Variants in SMG6 observed in about 807,000 individuals in gnomAD.
SMG6 encodes the protein telomerase-binding protein EST1A.
A neutral mutation model predicts 142.2 loss-of-function variants in SMG6; 66 were observed. The ratio of observed to expected loss-of-function variants is 0.46; its 90% CI spans 0.38 to 0.57. The LOEUF (loss-of-function observed/expected upper bound fraction) is 0.57. SMG6 is among the 20% of genes least tolerant of loss of function. The pLI is 0.00. For synonymous variants in SMG6, 779 were observed against 702.4 expected (o/e 1.11, Z -1.72); for missense variants, 1,793 against 1,832.0 (o/e 0.98, Z 0.39).
chr17:2,062,002 C>CT (rs141681719), intron 18 of SMG6: 20,465 of 153,318 alleles, frequency 0.13, 2,026 homozygotes, highest in East Asian at 0.58. Context: ...CCACACCCCA[C>CT]TTTTTTTTTT....
intron 8 of SMG6, among the ~76,000 whole-genome samples, chr17:2,268,803 T>G (rs1482919175): frequency 2.0e-5 from 3 of 150,218 alleles, no homozygotes; most frequent in Non-Finnish European, 4.4e-5. Context: ...TCCCAGCTAC[T>G]TGGGAGGCTG....
At chr17:2,258,354 G>C (rs573167874) in intron 8 of SMG6, among the ~76,000 whole-genome samples, 1 of 151,934 alleles carries the variant, frequency 6.6e-6, no homozygotes, top group South Asian at 2.1e-4. Flanking sequence ...TCAGGAGTTC[G>C]AGACCAACCT....
intron 10 of SMG6, among the ~76,000 whole-genome samples, chr17:2,197,059 T>C (rs2072352912): frequency 1.3e-5 from 2 of 151,704 alleles, no homozygotes; most frequent in Non-Finnish European, 2.9e-5. Flanking sequence ...TGGAAGAAAA[T>C]CTTCAGGACC....
At chr17:2,065,260 C>G (rs1247760611) in intron 17 of SMG6, 106 bp from the exon 18 acceptor site, 1 of 1,069,536 alleles carries the variant, frequency 9.3e-7, no homozygotes, top group African/African-American at 1.6e-5. Flanking sequence ...GCCACCTCCC[C>G]GATCCCTCCC....
intron 16 of SMG6, 27 bp from the exon 17 acceptor site, chr17:2,065,706 T>C (rs376005568): frequency 9.0e-5 from 143 of 1,581,602 alleles, no homozygotes; most frequent in Non-Finnish European, 1.2e-4. Context: ...CCACAAGGTA[T>C]CAGCCTCAGC....
chr17:2,178,897 C>T (rs183035679), intron 12 of SMG6, among the ~76,000 whole-genome samples: 3 of 152,332 alleles, frequency 2.0e-5, no homozygotes, highest in East Asian at 3.9e-4. Flanking sequence ...CACTCCAACA[C>T]GTCTTCTTAG....
chr17:2,222,190 G>A (rs769712348), intron 10 of SMG6, among the ~76,000 whole-genome samples: 1 of 151,724 alleles, frequency 6.6e-6, no homozygotes, highest in Non-Finnish European at 1.5e-5. Context: ...GAATAGTAGA[G>A]GAAAATAAAT....
intron 8 of SMG6, among the ~76,000 whole-genome samples, chr17:2,258,320 C>T (rs931223640): frequency 2.6e-5 from 4 of 152,088 alleles, no homozygotes; most frequent in Admixed American, 6.5e-5. Flanking sequence ...CTTTGGGAGG[C>T]TGACGCAGGC....
chr17:2,203,842 G>A lies in SMG6; in HGVS notation c.2870-15327C>T, dbSNP rs1160426228. Among the ~76,000 whole-genome samples the A allele has an allele frequency of 2.6e-5, 4 of 152,172 alleles. No homozygotes were observed. In the East Asian group the frequency reaches 7.7e-4, roughly 29 times the overall value. On this transcript the variant is annotated intron_variant, in intron 10 of 18. Transcript: ENST00000263073. ...TGAGCCAGAAGTAAAAATTAGGGAGGGATAATGCCTGCAGACACCCTGATT... is the reference window on the plus strand; with the variant it reads ...TGAGCCAGAAGTAAAAATTAGGGAGAGATAATGCCTGCAGACACCCTGATT...
intron 4 of SMG6, among the ~76,000 whole-genome samples, chr17:2,295,381 TTC>T (rs2075123934): frequency 6.6e-6 from 1 of 152,124 alleles, no homozygotes; most frequent in South Asian, 2.1e-4. Flanking sequence ...ACAAAAAACC[TTC>T]TCTTAGAACC....
intron 13 of SMG6, among the ~76,000 whole-genome samples, chr17:2,162,809 T>C (rs957828577): frequency 2.0e-5 from 3 of 152,266 alleles, no homozygotes; most frequent in Non-Finnish European, 4.4e-5. Context: ...GAAAATCTTT[T>C]CTTTTCCGTA....
chr17:2,185,078 T>C (rs35775870), intron 12 of SMG6, among the ~76,000 whole-genome samples: 6,431 of 147,882 alleles, frequency 0.043, 215 homozygotes, highest in Non-Finnish European at 0.066. Context: ...TACAGAGATA[T>C]ATATACTCAA....
At chr17:2,242,619 T>C (rs1356468982) in intron 9 of SMG6, among the ~76,000 whole-genome samples, 1 of 138,684 alleles carries the variant, frequency 7.2e-6, no homozygotes, top group Admixed American at 8.0e-5. Flanking sequence ...AAGGCTATAG[T>C]GCGGTATGAT....
rs903160 is a variant in SMG6, at chr17:2,188,471, C to T, written c.2914G>A (p.Ala972Thr). The T allele has an allele frequency of 0.33, 530,653 of 1,613,294 alleles. 90,378 individuals carry two copies. Among genetic ancestry groups the T allele is most frequent in the African/African-American group, 0.51 (38,304 of 74,840 alleles). The change falls in exon 11 of 19, where the codon GCA (alanine) becomes ACA (threonine). Residue 972 changes from alanine (A) to threonine (T), a missense_variant. Transcript: ENST00000263073. ...ECRSVIQEQA[A>T]ALGLAMFSLL... The stretch of plus-strand genomic sequence containing the variant: ...GAAAACATGGCCAAGCCCAGAGCTG[C>T]GGCTTGTTCCTGGATCACAGAGCGG...
At chr17:2,158,713 T>C (rs1332556474) in intron 13 of SMG6, among the ~76,000 whole-genome samples, 1 of 151,452 alleles carries the variant, frequency 6.6e-6, no homozygotes, top group Admixed American at 6.6e-5. Flanking sequence ...AGATCAGGAG[T>C]TGAGACCAGC....
chr17:2,248,805 G>A (rs1294097143), intron 8 of SMG6, among the ~76,000 whole-genome samples: 4 of 152,116 alleles, frequency 2.6e-5, no homozygotes, highest in African/African-American at 9.7e-5. Flanking sequence ...GAGCAGATTT[G>A]TTACATATTG....
intron 9 of SMG6, among the ~76,000 whole-genome samples, chr17:2,241,775 G>A (rs1188695003): frequency 6.6e-6 from 1 of 152,186 alleles, no homozygotes; most frequent in East Asian, 1.9e-4. Context: ...TTTAGAAGTG[G>A]AGGGGAAATC....
At chr17:2,064,538 G>C (rs1273646547) in intron 18 of SMG6, among the ~76,000 whole-genome samples, 1 of 152,188 alleles carries the variant, frequency 6.6e-6, no homozygotes, top group African/African-American at 2.4e-5. Flanking sequence ...TGTGACCAAA[G>C]AGACCAGGAA....
chr17:2,127,357 G>A (rs562223253), intron 13 of SMG6: 2 of 557,462 alleles, frequency 3.6e-6, no homozygotes, highest in Admixed American at 2.3e-5. Context: ...TAATGCCACT[G>A]AGTTGTACAC....
Sources: allele counts gnomAD v4.1 joint callset (sites outside exome capture counted in the v4.1 genomes callset), GRCh38; gene constraint gnomAD v4.1.1; transcripts MANE v1.5; gene names NCBI Gene and HGNC (gene_info 2026-07-23, HGNC 2026-07-21).